Variants in ADGRL2 observed in about 807,000 individuals in gnomAD.
ADGRL2 encodes the protein adhesion G protein-coupled receptor L2, also known as calcium-independent alpha-latrotoxin receptor 2.
In ADGRL2, 44 loss-of-function variants were observed where a neutral mutation model predicts 157.4. The observed-to-expected ratio is 0.28, with a 90% CI of 0.22 to 0.36. The LOEUF is 0.36. Among genes scored for constraint, ADGRL2 ranks in the 10% least tolerant of loss-of-function variants. The probability of loss-of-function intolerance (pLI) is 1.00; values close to 1 mark genes in which losing one functional copy is unlikely to be tolerated. For missense variants in ADGRL2, 1,510 were observed against 1,768.9 expected (o/e 0.85, Z 2.63); for synonymous variants, 585 against 624.7 (o/e 0.94, Z 0.95).
intron 2 of ADGRL2, among the ~76,000 whole-genome samples, chr1:81,772,673 G>A (rs1453112730): frequency 6.6e-6 from 1 of 152,124 alleles, no homozygotes; most frequent in Non-Finnish European, 1.5e-5. Flanking sequence ...AGGTTGCAGT[G>A]AGCCGAGACT....
chr1:81,746,598 A>G (rs1263563531), intron 1 of ADGRL2, among the ~76,000 whole-genome samples: 1 of 152,150 alleles, frequency 6.6e-6, no homozygotes, highest in Non-Finnish European at 1.5e-5. Flanking sequence ...GCTGTAACAA[A>G]TATATTTAAA....
At chr1:81,392,928 C>T (rs1262491645) in intron 1 of ADGRL2, among the ~76,000 whole-genome samples, 1 of 151,986 alleles carries the variant, frequency 6.6e-6, no homozygotes, top group African/African-American at 2.4e-5. Context: ...ATAATTGTAA[C>T]TTTTTGTGCC....
intron 3 of ADGRL2, among the ~76,000 whole-genome samples, chr1:81,925,567 A>G (rs1298987249): frequency 6.6e-6 from 1 of 151,860 alleles, no homozygotes; most frequent in Admixed American, 6.6e-5. Flanking sequence ...TTAAAAAAAA[A>G]AAAAAAGTAA....
chr1:81,603,237 C>A (rs2081369526), intron 3 of ADGRL2, among the ~76,000 whole-genome samples: 1 of 152,138 alleles, frequency 6.6e-6, no homozygotes, highest in Admixed American at 6.5e-5. Context: ...TAACCCAAAC[C>A]CGAGAAATCT....
At chr1:81,842,375 T>TTTTTA (rs1380656471) in intron 2 of ADGRL2, among the ~76,000 whole-genome samples, 1 of 139,252 alleles carries the variant, frequency 7.2e-6, no homozygotes, top group African/African-American at 3.0e-5. Context: ...TTTTTTTTTT[T>TTTTTA]AAGATGGAGT....
At chr1:81,577,022 A>T (rs565483342) in intron 2 of ADGRL2, among the ~76,000 whole-genome samples, 1 of 152,256 alleles carries the variant, frequency 6.6e-6, no homozygotes, top group African/African-American at 2.4e-5. Context: ...TGCTTTCAGA[A>T]GCTCCTGAGA....
At chr1:81,552,786 C>A (rs2080182975) in intron 2 of ADGRL2, among the ~76,000 whole-genome samples, 1 of 152,080 alleles carries the variant, frequency 6.6e-6, no homozygotes, top group Non-Finnish European at 1.5e-5. Context: ...ACATGGTTTT[C>A]TTATAATGTA....
At chr1:81,551,884 AT>A (rs2080155195) in intron 2 of ADGRL2, among the ~76,000 whole-genome samples, 1 of 152,200 alleles carries the variant, frequency 6.6e-6, no homozygotes, top group African/African-American at 2.4e-5. Flanking sequence ...AATAGATCCC[AT>A]GAATTGAAAT....
At chr1:81,729,323 T>C (rs1346738423) in intron 1 of ADGRL2, among the ~76,000 whole-genome samples, 2 of 152,138 alleles carry the variant, frequency 1.3e-5, no homozygotes, top group Non-Finnish European at 2.9e-5. Context: ...CTAAAGTTTA[T>C]TTTTTGTTCT....
At chr1:81,909,431 A>C (rs2094660014) in intron 3 of ADGRL2, among the ~76,000 whole-genome samples, 1 of 152,180 alleles carries the variant, frequency 6.6e-6, no homozygotes, top group African/African-American at 2.4e-5. Context: ...CAACTTAAGA[A>C]AGCATAAAAC....
intron 1 of ADGRL2, among the ~76,000 whole-genome samples, chr1:81,743,093 A>G (rs950989232): frequency 6.6e-6 from 1 of 152,058 alleles, no homozygotes; most frequent in Non-Finnish European, 1.5e-5. Context: ...AAAACTGAAC[A>G]AATGAGTTTA....
At chr1:81,401,177 G>T (rs1455783099) in intron 1 of ADGRL2, among the ~76,000 whole-genome samples, 1 of 152,172 alleles carries the variant, frequency 6.6e-6, no homozygotes, top group Non-Finnish European at 1.5e-5. Flanking sequence ...CAACATACTT[G>T]CTCTGGGTGG....
intron 1 of ADGRL2, among the ~76,000 whole-genome samples, chr1:81,703,318 T>C (rs1170810310): frequency 1.3e-5 from 2 of 152,026 alleles, no homozygotes; most frequent in African/African-American, 4.8e-5. Flanking sequence ...GGGAAGAAAT[T>C]AGTGGAGCAG....
At chr1:81,839,310 T>A (rs898523670) in intron 2 of ADGRL2, among the ~76,000 whole-genome samples, 3 of 152,084 alleles carry the variant, frequency 2.0e-5, no homozygotes, top group Non-Finnish European at 2.9e-5. Context: ...GTGATTAAAT[T>A]GAGCTGCATG....
chr1:81,800,970 C>T lies in ADGRL2; in HGVS notation c.-199C>T, dbSNP rs541910927. Among the ~76,000 whole-genome samples the T allele has an allele frequency of 1.0e-4, 15 of 149,562 alleles. No homozygotes were observed. The South Asian group carries it at 2.7e-3, about 27-fold the overall frequency. On this transcript the variant is annotated 5_prime_UTR_variant, in exon 1 of 24. Coordinates refer to ENST00000686636, the MANE Select transcript of ADGRL2 (RefSeq NM_001366006.2). ...CGCGTCCCTCGCCGCCACCGCCGCC[C>T]GGACAGCCCTGCGGCCGCCCCGCCG...
intron 1 of ADGRL2, among the ~76,000 whole-genome samples, chr1:81,390,583 T>TCAG (rs2076525702): frequency 6.6e-6 from 1 of 152,270 alleles, no homozygotes; most frequent in Admixed American, 6.5e-5. Flanking sequence ...CCTCCTATCA[T>TCAG]TTGTTTCAAT....
intron 2 of ADGRL2, among the ~76,000 whole-genome samples, chr1:81,474,939 T>G (rs565353372): frequency 2.6e-5 from 4 of 152,190 alleles, no homozygotes; most frequent in Non-Finnish European, 5.9e-5. Context: ...AGATTTATGC[T>G]GCCACCAGTA....
chr1:81,822,511 A>G (rs1338070628), intron 1 of ADGRL2, among the ~76,000 whole-genome samples: 2 of 151,314 alleles, frequency 1.3e-5, no homozygotes, highest in Non-Finnish European at 2.9e-5. Context: ...TTAAAATTTT[A>G]TTTATTTTTA....
chr1:81,690,263 T>G (rs959298978), intron 3 of ADGRL2, among the ~76,000 whole-genome samples: 22 of 152,098 alleles, frequency 1.4e-4, no homozygotes, highest in African/African-American at 5.3e-4. Context: ...GAGGCCAAGG[T>G]GGGCACATCA....
Sources: gnomAD v4.1 joint callset for allele counts (sites outside exome capture counted in the v4.1 genomes callset) on GRCh38, gnomAD v4.1.1 for gene constraint, MANE v1.5 for transcripts, NCBI Gene and HGNC (gene_info 2026-07-23, HGNC 2026-07-21) for gene names.